The following EMSY variants were observed in gnomAD, a reference collection of about 807,000 sequenced individuals.
EMSY encodes BRCA2-interacting transcriptional repressor EMSY.
EMSY carries 26 observed loss-of-function variants against 134.6 expected under a neutral mutation model. That is an observed-to-expected ratio of 0.19 (90% CI 0.14 to 0.27). The LOEUF (loss-of-function observed/expected upper bound fraction) is 0.27, where lower values mean the gene tolerates loss of function less well. Ranked by LOEUF, EMSY falls within the 10% of genes least tolerant of loss-of-function variation. EMSY has a pLI of 1.00. For synonymous variants in EMSY, 579 were observed against 577.8 expected, an observed-to-expected ratio of 1.00 and a Z score of -0.03; for missense variants, 1,305 against 1,611.4, an observed-to-expected ratio of 0.81 and a Z score of 3.26.
intron 8 of EMSY, among the ~76,000 whole-genome samples, chr11:76,492,059 C>T (rs886748361): frequency 1.3e-5 from 2 of 152,042 alleles, no homozygotes; most frequent in Non-Finnish European, 2.9e-5. Context: ...AATAGTTTCC[C>T]CAGGATCTAG....
intron 9 of EMSY, among the ~76,000 whole-genome samples, chr11:76,499,177 G>A (rs1949760502): frequency 6.6e-6 from 1 of 151,702 alleles, no homozygotes; most frequent in Non-Finnish European, 1.5e-5. Flanking sequence ...GGCCAGGCTG[G>A]TCTCGAATGC....
chr11:76,508,658 T>C (rs1950166974), intron 9 of EMSY, among the ~76,000 whole-genome samples: 1 of 152,248 alleles, frequency 6.6e-6, no homozygotes, highest in African/African-American at 2.4e-5. Flanking sequence ...AAGTCTATTT[T>C]GTCTACATTG....
intron 8 of EMSY, among the ~76,000 whole-genome samples, chr11:76,476,432 CT>C (rs1948771651): frequency 6.6e-6 from 1 of 151,994 alleles, no homozygotes; most frequent in Non-Finnish European, 1.5e-5. Context: ...AAGTACTTTC[CT>C]TTATTATTAT....
At chr11:76,533,668 G>A (rs1406970268) in intron 14 of EMSY, among the ~76,000 whole-genome samples, 2 of 152,172 alleles carry the variant, frequency 1.3e-5, no homozygotes, top group African/African-American at 4.8e-5. Context: ...GTCTGAGTCT[G>A]CCTTTGAGTA....
intron 9 of EMSY, among the ~76,000 whole-genome samples, chr11:76,499,899 C>G (rs1949794836): frequency 6.6e-6 from 1 of 151,694 alleles, no homozygotes; most frequent in Admixed American, 6.6e-5. Flanking sequence ...TTTGTAGAGA[C>G]CATTTTTTGG....
At chr11:76,460,112 G>T (rs1948047431) in intron 6 of EMSY, 27 bp downstream of exon 7, 1 of 1,611,774 alleles carries the variant, frequency 6.2e-7, no homozygotes, top group South Asian at 1.1e-5. Flanking sequence ...GTGTTATCAG[G>T]GCCTTCTTGG....
intron 11 of EMSY, among the ~76,000 whole-genome samples, chr11:76,522,749 A>G (rs1395984061): frequency 6.6e-6 from 1 of 152,140 alleles, no homozygotes; most frequent in African/African-American, 2.4e-5. Context: ...AAATTTAAGC[A>G]TTTACTTCAT....
intron 8 of EMSY, among the ~76,000 whole-genome samples, chr11:76,484,163 G>A (rs917193092): frequency 2.0e-5 from 3 of 152,122 alleles, no homozygotes; most frequent in Non-Finnish European, 4.4e-5. Flanking sequence ...GGTAAATAAC[G>A]AAATTAAGGC....
exon 18 of EMSY, chr11:76,542,274 T>A: frequency 6.2e-7 from 1 of 1,614,196 alleles, no homozygotes; most frequent in South Asian, 1.1e-5. Flanking sequence ...TGCTCCAGCA[T>A]GTGGCTCAGT....
chr11:76,508,987 G>T (rs556633067), intron 9 of EMSY, among the ~76,000 whole-genome samples: 24 of 152,226 alleles, frequency 1.6e-4, no homozygotes, highest in African/African-American at 5.5e-4. Context: ...AGCAGTCAGA[G>T]CACACACAAC....
At chr11:76,460,219 G>A in intron 6 of EMSY, 134 bp downstream of exon 7, 1 of 1,083,430 alleles carries the variant, frequency 9.2e-7, no homozygotes, top group Non-Finnish European at 1.4e-6. Flanking sequence ...AGATTTTAAA[G>A]AATTCCTTTC....
chr11:76,505,921 T>C (rs1006829544), intron 9 of EMSY, among the ~76,000 whole-genome samples: 1 of 152,074 alleles, frequency 6.6e-6, no homozygotes, highest in Non-Finnish European at 1.5e-5. Context: ...CCTGACACTT[T>C]GGTAGGCCAA....
chr11:76,472,490 T>C (rs905269931), intron 7 of EMSY, 74 bp from the exon 9 acceptor site: 2 of 1,329,468 alleles, frequency 1.5e-6, no homozygotes, highest in African/African-American at 3.0e-5. Flanking sequence ...TTAAATTATA[T>C]ATAACTAACT....
intron 20 of EMSY, chr11:76,546,901 A>G (rs1352055670): frequency 3.5e-6 from 1 of 284,224 alleles, no homozygotes; most frequent in African/African-American, 2.3e-5. Context: ...TTATTAAAAA[A>G]TCTTGTTTGG....
At position 76,457,717 on chromosome 11, in the gene EMSY, G is replaced by T. The variant is rs79589918; in HGVS notation, c.246-466G>T. ...CTTGTTTGAAAGCCTTAGAACCTCTGGCCATGCAGGCAGTTAGATAATTTT... is the reference window on the plus strand; with the variant it reads ...CTTGTTTGAAAGCCTTAGAACCTCTTGCCATGCAGGCAGTTAGATAATTTT... On this transcript the variant is annotated intron_variant, in intron 4 of 20. Coordinates refer to ENST00000334736, the Ensembl canonical transcript of EMSY. Among the ~76,000 whole-genome samples, 450 of 152,166 alleles carry T rather than the reference G, an allele frequency of 3.0e-3. 1 individual carries two copies. Among genetic ancestry groups the T allele is most frequent in the African/African-American group, 0.011 (437 of 41,504 alleles).
intron 9 of EMSY, among the ~76,000 whole-genome samples, chr11:76,501,769 T>C (rs1371116064): frequency 6.6e-6 from 1 of 152,048 alleles, no homozygotes; most frequent in Non-Finnish European, 1.5e-5. Context: ...AAAAGAAATA[T>C]TCAAAGAAAT....
chr11:76,494,417 T>C (rs903860757), intron 8 of EMSY, among the ~76,000 whole-genome samples: 1 of 152,224 alleles, frequency 6.6e-6, no homozygotes, highest in Non-Finnish European at 1.5e-5. Context: ...TTTAATGCTT[T>C]AGGTAGTATA....
chr11:76,449,652 A>G (rs893984549), intron 2 of EMSY, among the ~76,000 whole-genome samples: 20 of 152,126 alleles, frequency 1.3e-4, no homozygotes, highest in African/African-American at 4.8e-4. Flanking sequence ...CCCACAATCA[A>G]TCAATTACTG....
intron 16 of EMSY, 40 bp downstream of exon 17, chr11:76,537,990 C>G: frequency 6.6e-7 from 1 of 1,508,194 alleles, no homozygotes; most frequent in South Asian, 1.3e-5. Flanking sequence ...GGTAGGAGAA[C>G]TACCTTCCTG....
Sources: allele counts gnomAD v4.1 joint callset (sites outside exome capture counted in the v4.1 genomes callset), GRCh38; gene constraint gnomAD v4.1.1; transcripts MANE v1.5; gene names NCBI Gene and HGNC (gene_info 2026-07-23, HGNC 2026-07-21).